The following PTCHD4 variants were observed in gnomAD, a reference collection of about 807,000 sequenced individuals.
PTCHD4 encodes the protein patched domain-containing protein 4.
A neutral mutation model predicts 58.1 loss-of-function variants in PTCHD4; 33 were observed. The ratio of observed to expected loss-of-function variants is 0.57; its 90% CI spans 0.43 to 0.76. The LOEUF is 0.76. PTCHD4 is among the 30% of genes least tolerant of loss of function. The pLI is 0.00. For missense variants in PTCHD4, 1,058 were observed against 1,027.1 expected (o/e 1.03, Z -0.41); for synonymous variants, 478 against 409.6 (o/e 1.17, Z -2.02).
intron 4 of PTCHD4, among the ~76,000 whole-genome samples, chr6:47,955,299 G>T (rs993421361): frequency 4.6e-5 from 7 of 152,170 alleles, no homozygotes; most frequent in African/African-American, 1.7e-4. Flanking sequence ...ATTGACAGAG[G>T]TACAGCTGGA....
At position 47,867,466 on chromosome 6, in the gene PTCHD4, C is replaced by A. The variant is rs144740744; in HGVS notation, c.*10837G>T. Among the ~76,000 whole-genome samples, 4,812 of 151,858 alleles carry A rather than the reference C, an allele frequency of 0.032. 142 individuals carry two copies. Among genetic ancestry groups the A allele is most frequent in the Non-Finnish European group, 0.047 (3,186 of 67,822 alleles). On this transcript the variant is annotated 3_prime_UTR_variant, in exon 5 of 5. Coordinates refer to ENST00000339488, the MANE Select transcript of PTCHD4 (RefSeq NM_001384253.1). Reference sequence around the variant, plus strand: ...TTCACTGCATTTAAGCCCAAGGATACATCATAAAAAGAGCTTTTTCTTTAT... The same window carrying A: ...TTCACTGCATTTAAGCCCAAGGATAAATCATAAAAAGAGCTTTTTCTTTAT...
chr6:47,894,647 A>G (rs1490300807), intron 4 of PTCHD4, among the ~76,000 whole-genome samples: 1 of 152,264 alleles, frequency 6.6e-6, no homozygotes, highest in East Asian at 1.9e-4. Flanking sequence ...GGTCTTGGCT[A>G]TATACTCACA....
rs181119324 is a variant in PTCHD4, at chr6:48,036,455, C to G, written c.418-27341G>C. On this transcript the variant is annotated intron_variant, in intron 3 of 4. Coordinates refer to ENST00000339488, the MANE Select transcript of PTCHD4 (RefSeq NM_001384253.1). ...ATTCATAAGTTTTAAGTTGCAAAAC[C>G]TCCTGAGTAGTGTGATGAAATCTCA... Among the ~76,000 whole-genome samples, 270 of 152,168 alleles carry G rather than the reference C, an allele frequency of 1.8e-3. 1 individual carries two copies. In the Middle Eastern group the frequency reaches 0.031, roughly 17 times the overall value.
chr6:47,904,748 AT>A (rs1270692600), intron 4 of PTCHD4, among the ~76,000 whole-genome samples: 8 of 152,238 alleles, frequency 5.3e-5, no homozygotes, highest in Admixed American at 5.2e-4. Context: ...CTCAAGAAAT[AT>A]TCTTTGAAAA....
intron 4 of PTCHD4, among the ~76,000 whole-genome samples, chr6:47,961,146 C>A (rs1482397187): frequency 6.6e-6 from 1 of 151,826 alleles, no homozygotes; most frequent in Admixed American, 6.6e-5. Flanking sequence ...AAAGCGTATT[C>A]TCTAAAATAT....
chr6:48,109,030 A>T (rs910703780), intron 1 of PTCHD4, among the ~76,000 whole-genome samples: 1 of 152,140 alleles, frequency 6.6e-6, no homozygotes, highest in Non-Finnish European at 1.5e-5. Context: ...AAATGAAATA[A>T]TCATTTTCTA....
chr6:48,088,476 A>G (rs545498070), intron 1 of PTCHD4, among the ~76,000 whole-genome samples: 14 of 152,344 alleles, frequency 9.2e-5, no homozygotes, highest in African/African-American at 3.1e-4. Context: ...TATGGAATAG[A>G]GCAAACAAAA....
intron 4 of PTCHD4, among the ~76,000 whole-genome samples, chr6:47,967,426 T>C (rs1016643551): frequency 5.9e-5 from 9 of 152,314 alleles, no homozygotes; most frequent in Non-Finnish European, 1.2e-4. Flanking sequence ...CCTAGGATAT[T>C]TGGAATAATC....
intron 4 of PTCHD4, among the ~76,000 whole-genome samples, chr6:47,959,933 A>G (rs896332235): frequency 6.6e-6 from 1 of 152,008 alleles, no homozygotes; most frequent in African/African-American, 2.4e-5. Context: ...TTATAAGCAA[A>G]AAAAAACCCC....
intron 4 of PTCHD4, among the ~76,000 whole-genome samples, chr6:47,982,377 C>T (rs1265409816): frequency 6.6e-6 from 1 of 151,978 alleles, no homozygotes; most frequent in Non-Finnish European, 1.5e-5. Flanking sequence ...TATTTTATCT[C>T]TGTGCCTGTC....
chr6:47,924,676 A>G (rs964962367), intron 4 of PTCHD4, among the ~76,000 whole-genome samples: 5 of 152,214 alleles, frequency 3.3e-5, no homozygotes, highest in Non-Finnish European at 7.3e-5. Flanking sequence ...GGGTTCAAGA[A>G]CTTTGGCCCT....
At chr6:47,954,020 A>C (rs1766754843) in intron 4 of PTCHD4, among the ~76,000 whole-genome samples, 1 of 152,170 alleles carries the variant, frequency 6.6e-6, no homozygotes, top group African/African-American at 2.4e-5. Context: ...ACTGAAGTGA[A>C]GCTAGACACT....
intron 4 of PTCHD4, among the ~76,000 whole-genome samples, chr6:47,964,970 G>T (rs988554846): frequency 6.6e-6 from 1 of 151,632 alleles, no homozygotes; most frequent in Non-Finnish European, 1.5e-5. Flanking sequence ...TACTTTCTGG[G>T]GTATGACAGT....
At chr6:47,924,006 C>T (rs1005812428) in intron 4 of PTCHD4, among the ~76,000 whole-genome samples, 2 of 152,210 alleles carry the variant, frequency 1.3e-5, no homozygotes, top group Non-Finnish European at 1.5e-5. Flanking sequence ...ATGGTCAGCA[C>T]TCCCCTTGAC....
chr6:48,093,171 G>T (rs1765399593), intron 1 of PTCHD4, among the ~76,000 whole-genome samples: 1 of 152,110 alleles, frequency 6.6e-6, no homozygotes, highest in Admixed American at 6.5e-5. Context: ...CAGGATTCCT[G>T]CAAGGCACAT....
Position 47,879,520 on chromosome 6 carries a change from G to A in PTCHD4, c.1315C>T (p.Gln439Ter), listed in dbSNP as rs751135285. Reference protein sequence around the residue: ...QTSHHETNPYQHHFIQHFLRE... With the variant: ...QTSHHETNPY The stretch of plus-strand genomic sequence containing the variant: ...AGGAAGTGCTGAATGAAGTGGTGCT[G>A]GTAGGGGTTCGTCTCATGATGGGAC... The change falls in exon 5 of 5, where the codon CAG (glutamine) becomes TAG (stop). Residue 439 changes from glutamine to a stop codon, truncating the protein, a stop_gained. Coordinates refer to ENST00000339488, the MANE Select transcript of PTCHD4 (RefSeq NM_001384253.1). LOFTEE classifies it high-confidence loss of function. 1 of 1,613,774 alleles carries A rather than the reference G, an allele frequency of 6.2e-7. No homozygotes were observed. The highest frequency in any genetic ancestry group is 1.1e-5 in the South Asian group (1 of 91,080).
At chr6:48,018,235 C>T (rs1380618574) in intron 3 of PTCHD4, among the ~76,000 whole-genome samples, 1 of 152,174 alleles carries the variant, frequency 6.6e-6, no homozygotes, top group African/African-American at 2.4e-5. Flanking sequence ...CGCCGGGTGA[C>T]AGAAGACATG....
chr6:48,038,682 G>T (rs1000021414), intron 3 of PTCHD4, among the ~76,000 whole-genome samples: 1 of 108,756 alleles, frequency 9.2e-6, no homozygotes, highest in Non-Finnish European at 2.0e-5. Flanking sequence ...AAAAAAAAAA[G>T]TGAATTTCTA....
intron 4 of PTCHD4, among the ~76,000 whole-genome samples, chr6:48,003,910 G>C (rs766640286): frequency 8.5e-5 from 13 of 152,142 alleles, no homozygotes; most frequent in Non-Finnish European, 1.5e-4. Flanking sequence ...CATCTCAGGT[G>C]CTTCGTTTAG....
Sources: allele counts gnomAD v4.1 joint callset (sites outside exome capture counted in the v4.1 genomes callset), GRCh38; gene constraint gnomAD v4.1.1; transcripts MANE v1.5; gene names NCBI Gene and HGNC (gene_info 2026-07-23, HGNC 2026-07-21).